Variants in PSORS1C1 observed in about 807,000 individuals in gnomAD.
The protein encoded by PSORS1C1 is psoriasis susceptibility 1 candidate 1, also known as psoriasis susceptibility 1 candidate gene 1 protein.
In PSORS1C1, 7 loss-of-function variants were observed where a neutral mutation model predicts 9.4. That is an observed-to-expected ratio of 0.75 (90% confidence interval 0.42 to 1.40). PSORS1C1 has a LOEUF of 1.40. Ranked by LOEUF, PSORS1C1 falls within the 40% of genes most tolerant of loss-of-function variation. PSORS1C1 has a pLI of 0.01. For missense variants in PSORS1C1, 146 were observed against 178.1 expected (o/e 0.82, Z 1.02); for synonymous variants, 63 against 69.4 (o/e 0.91, Z 0.46).
At position 31,140,006 on chromosome 6, in the gene PSORS1C1, T is replaced by C; in HGVS notation, c.*74T>C. On this transcript the variant is annotated 3_prime_UTR_variant, in exon 6 of 6. Coordinates refer to ENST00000259881, the MANE Select transcript of PSORS1C1 (RefSeq NM_014068.3). The surrounding 1 kb of genome is among the most constrained non-coding windows in gnomAD (Gnocchi z 4.6). ...TGGAAGTCTGTTAGCCTTTCAGAAG[T>C]AACATGTCCAAAATAAAATTTGATT... 7.1e-7 allele frequency: 1 copy of C among 1,399,868 alleles called. No homozygotes were observed. Among genetic ancestry groups the C allele is most frequent in the Non-Finnish European group, 9.9e-7 (1 of 1,009,912 alleles). The allele number at this position is 1,399,868 out of a possible 1,614,324, so 86.7% of individuals were successfully genotyped here.
intron 3 of PSORS1C1, chr6:31,138,105 G>A (rs1773244786): frequency 1.2e-6 from 2 of 1,601,690 alleles, no homozygotes; most frequent in Middle Eastern, 1.7e-4. Context: ...CGTTCTAGGC[G>A]GTTCAGGGAG....
chr6:31,128,206 G>T lies in PSORS1C1; in HGVS notation c.-64-1363G>T, dbSNP rs1772767544. ...AAAGGGACACCTGTGTGCCTTGATG[G>T]TGGACCCAGGGAGTGGATGACATTA... On this transcript the variant is annotated intron_variant, in intron 2 of 5. Coordinates refer to ENST00000259881, the MANE Select transcript of PSORS1C1 (RefSeq NM_014068.3). This position sits in a 1 kb window ranked among gnomAD's most constrained non-coding sequence, Gnocchi z 4.3. Among the ~76,000 whole-genome samples the T allele has an allele frequency of 6.6e-6, 1 of 152,236 alleles. No homozygotes were observed. The highest frequency in any genetic ancestry group is 2.4e-5 in the African/African-American group (1 of 41,466).
intron 1 of PSORS1C1, chr6:31,116,471 C>T (rs1238208789): frequency 6.2e-7 from 1 of 1,601,324 alleles, no homozygotes; most frequent in East Asian, 2.3e-5. Flanking sequence ...GTGGAGCCGC[C>T]TCCACAGAGC....
At position 31,140,048 on chromosome 6, in the gene PSORS1C1, C is replaced by T; in HGVS notation, c.*116C>T. ...AATTTGATTCCTCCCAGGTTGTTCC[C>T]TGCCTGGTCCGCTACCCCACAGTAA... On this transcript the variant is annotated 3_prime_UTR_variant, in exon 6 of 6. Transcript: ENST00000259881. The surrounding 1 kb of genome is among the most constrained non-coding windows in gnomAD (Gnocchi z 4.6). The T allele has an allele frequency of 2.1e-6, 2 of 972,872 alleles. No individual in the cohort carries two copies. The highest frequency in any genetic ancestry group is 3.1e-6 in the Non-Finnish European group (2 of 638,416). 60.3% of individuals were successfully genotyped at this position (972,872 alleles called of 1,614,324 possible).
chr6:31,135,535 A>G (rs1180495106), intron 3 of PSORS1C1, among the ~76,000 whole-genome samples: 2 of 152,174 alleles, frequency 1.3e-5, no homozygotes, highest in African/African-American at 4.8e-5. Context: ...TTTTAAAATT[A>G]AAAACAATTT....
At chr6:31,134,494 AC>A in intron 3 of PSORS1C1, among the ~76,000 whole-genome samples, 1 of 151,366 alleles carries the variant, frequency 6.6e-6, no homozygotes, top group Non-Finnish European at 1.5e-5. Flanking sequence ...TTTAGTAGAG[AC>A]TGGGTTTCAC....
chr6:31,117,281 A>G, intron 1 of PSORS1C1: 1 of 1,600,828 alleles, frequency 6.2e-7, no homozygotes. Flanking sequence ...ACCTGGGAAT[A>G]CCCCGTTCCT....
In PSORS1C1 at chr6:31,115,668, AG is replaced by A. The variant is rs1360820617; in HGVS notation, c.-229+781del. The A allele has an allele frequency of 2.8e-5, 9 of 324,220 alleles. No individual in the cohort carries two copies. Among genetic ancestry groups the A allele is most frequent in the Non-Finnish European group, 5.1e-5 (9 of 176,346 alleles). 20.1% of individuals were successfully genotyped at this position (324,220 alleles called of 1,614,324 possible). On this transcript the variant is annotated intron_variant, in intron 1 of 5. Transcript: ENST00000259881. This position sits in a 1 kb window ranked among gnomAD's most constrained non-coding sequence, Gnocchi z 4.2. ...GTCAGAGGTGCTCTGAGAGCATTTCAGGGGTTTCCCAGTTGAGAAGCTGATG... is the reference window on the plus strand; with the variant it reads ...GTCAGAGGTGCTCTGAGAGCATTTCAGGGTTTCCCAGTTGAGAAGCTGATG...
At chr6:31,131,597 CAAAAAAA>C (rs9281219) in intron 3 of PSORS1C1, among the ~76,000 whole-genome samples, 1 of 78,394 alleles carries the variant, frequency 1.3e-5, no homozygotes, top group Non-Finnish European at 2.4e-5. Context: ...GACTCCGTCT[CAAAAAAA>C]AAAAAAAAAA....
At position 31,116,556 on chromosome 6, in the gene PSORS1C1, G is replaced by A. The variant is rs36097319; in HGVS notation, c.-229+1665G>A. Reference sequence around the variant, plus strand: ...CCGACTGGCTGGGGATGATGGGGTTGCTGGAGAAGTATTTGCCCTCAGAGA... The same window carrying A: ...CCGACTGGCTGGGGATGATGGGGTTACTGGAGAAGTATTTGCCCTCAGAGA... On this transcript the variant is annotated intron_variant, in intron 1 of 5. Transcript: ENST00000259881. 4.2e-3 allele frequency: 6,768 copies of A among 1,613,924 alleles called. 213 individuals are homozygous for A. The South Asian group carries it at 0.053, about 13-fold the overall frequency.
intron 1 of PSORS1C1, chr6:31,118,487 C>T (rs1772284160): frequency 6.6e-6 from 1 of 152,478 alleles, no homozygotes; most frequent in Admixed American, 6.5e-5. Context: ...CCACAATCAG[C>T]TTCCCTCTCT....
chr6:31,132,846 C>CT (rs1772977714), intron 3 of PSORS1C1, among the ~76,000 whole-genome samples: 1 of 137,340 alleles, frequency 7.3e-6, no homozygotes, highest in Non-Finnish European at 1.6e-5. Flanking sequence ...GAGACCCTGT[C>CT]TTAAAAAAAA....
Position 31,125,892 on chromosome 6 carries a change from T to A in PSORS1C1, c.-65+53T>A, listed in dbSNP as rs138352868. On this transcript the variant is annotated intron_variant, in intron 2 of 5. Coordinates refer to ENST00000259881, the MANE Select transcript of PSORS1C1 (RefSeq NM_014068.3). Reference sequence around the variant, plus strand: ...GCTGTGGCAGGCACTTGGTGATATTTTGAAATAAAAGAATGGAAGAATGTG... The same window carrying A: ...GCTGTGGCAGGCACTTGGTGATATTATGAAATAAAAGAATGGAAGAATGTG... 5.8e-3 allele frequency: 887 copies of A among 152,406 alleles called. 6 individuals are homozygous for A. Among genetic ancestry groups the A allele is most frequent in the African/African-American group, 9.7e-3 (405 of 41,580 alleles). The allele number at this position is 152,406 out of a possible 1,614,324, so 9.4% of individuals were successfully genotyped here.
At chr6:31,127,670 C>T (rs1301715103) in intron 2 of PSORS1C1, among the ~76,000 whole-genome samples, 9 of 151,518 alleles carry the variant, frequency 5.9e-5, no homozygotes, top group Non-Finnish European at 8.8e-5. Context: ...AAAAATTAGC[C>T]GGGTGTGGTG....
intron 3 of PSORS1C1, among the ~76,000 whole-genome samples, chr6:31,137,077 G>T (rs1195266734): frequency 1.3e-5 from 2 of 152,124 alleles, no homozygotes; most frequent in Non-Finnish European, 2.9e-5. Context: ...GAACCCGGGA[G>T]GCGGAGGTTG....
intron 1 of PSORS1C1, chr6:31,116,204 G>A (rs1772104746): frequency 1.2e-6 from 2 of 1,613,726 alleles, no homozygotes; most frequent in Non-Finnish European, 1.7e-6. Flanking sequence ...GAGCCATCGG[G>A]GCCCCCAGTC....
At chr6:31,122,099 G>A (rs542340824) in intron 1 of PSORS1C1, among the ~76,000 whole-genome samples, 2 of 152,292 alleles carry the variant, frequency 1.3e-5, no homozygotes, top group South Asian at 4.1e-4. Context: ...AGATGACGTG[G>A]GTTCAAGTCC....
At chr6:31,119,821 G>A (rs3094210) in intron 1 of PSORS1C1, among the ~76,000 whole-genome samples, 52,910 of 151,938 alleles carry the variant, frequency 0.35, 9,655 homozygotes, top group South Asian at 0.54. Flanking sequence ...CATGAGAGTC[G>A]CTTGAACCTG....
At chr6:31,117,403 G>C (rs1184918761) in intron 1 of PSORS1C1, 2 of 1,568,438 alleles carry the variant, frequency 1.3e-6, no homozygotes, top group African/African-American at 2.7e-5. Context: ...AGAACTGCTG[G>C]AGCCACTGTA....
Sources: gnomAD v4.1 joint callset for allele counts (sites outside exome capture counted in the v4.1 genomes callset) on GRCh38, gnomAD v4.1.1 for gene constraint, Gnocchi (gnomAD v3.1) non-coding constraint, MANE v1.5 for transcripts, NCBI Gene and HGNC (gene_info 2026-07-23, HGNC 2026-07-21) for gene names.